Variants in BLVRA observed in about 807,000 individuals in gnomAD.
BLVRA encodes BVR A.
In BLVRA, 22 loss-of-function variants were observed where a neutral mutation model predicts 32.8. The observed-to-expected ratio is 0.67, with a 90% CI of 0.48 to 0.96. The LOEUF (loss-of-function observed/expected upper bound fraction) is 0.96, where lower values mean the gene tolerates loss of function less well. BLVRA is among the 40% of genes least tolerant of loss of function. BLVRA has a pLI of 0.00. For synonymous variants in BLVRA, 119 were observed against 141.3 expected (o/e 0.84, Z 1.12); for missense variants, 323 against 358.1 (o/e 0.90, Z 0.79).
intron 2 of BLVRA, among the ~76,000 whole-genome samples, chr7:43,782,525 G>C (rs531737918): frequency 6.6e-6 from 1 of 152,304 alleles, no homozygotes; most frequent in Admixed American, 6.5e-5. Flanking sequence ...GGGCGCGGTG[G>C]GAAAGCCAGG....
At chr7:43,786,326 A>G (rs1317350629) in intron 2 of BLVRA, among the ~76,000 whole-genome samples, 1 of 152,226 alleles carries the variant, frequency 6.6e-6, no homozygotes, top group African/African-American at 2.4e-5. Context: ...GGTCAATTAA[A>G]AAAAAGGACA....
chr7:43,769,953 T>C (rs1029040006), intron 1 of BLVRA, among the ~76,000 whole-genome samples: 3 of 152,220 alleles, frequency 2.0e-5, no homozygotes, highest in African/African-American at 7.2e-5. Context: ...CGATCACCCA[T>C]GCCCCCTTCC....
intron 5 of BLVRA, among the ~76,000 whole-genome samples, chr7:43,798,629 G>A (rs1374631941): frequency 6.6e-6 from 1 of 152,186 alleles, no homozygotes; most frequent in Non-Finnish European, 1.5e-5. Context: ...CTGGCACAAA[G>A]TGGTTAAGGC....
At chr7:43,796,599 A>G (rs1416971569) in intron 5 of BLVRA, among the ~76,000 whole-genome samples, 6 of 152,240 alleles carry the variant, frequency 3.9e-5, no homozygotes, top group Admixed American at 3.9e-4. Flanking sequence ...AAACTGTAAT[A>G]TTGTTAGAAG....
upstream of BLVRA, among the ~76,000 whole-genome samples, chr7:43,758,205 G>T (rs1327759561): frequency 6.6e-6 from 1 of 152,208 alleles, no homozygotes; most frequent in Non-Finnish European, 1.5e-5. Context: ...CACATTTACA[G>T]GAAGGACTCA....
chr7:43,792,365 G>A (rs1467414651), intron 4 of BLVRA, among the ~76,000 whole-genome samples: 1 of 152,158 alleles, frequency 6.6e-6, no homozygotes, highest in Non-Finnish European at 1.5e-5. Context: ...TAGCCGCTGT[G>A]GGTTTTGTAG....
chr7:43,791,396 C>T (rs760647328), intron 4 of BLVRA, 28 bp downstream of exon 4: 43 of 1,613,772 alleles, frequency 2.7e-5, no homozygotes, highest in Non-Finnish European at 3.5e-5. Flanking sequence ...GCAGTCCTTG[C>T]CTTACACAGC....
chr7:43,798,632 G>A (rs1190718802), intron 5 of BLVRA, among the ~76,000 whole-genome samples: 2 of 152,150 alleles, frequency 1.3e-5, no homozygotes, highest in African/African-American at 4.8e-5. Context: ...GCACAAAGTG[G>A]TTAAGGCTCA....
At chr7:43,759,942 T>A (rs1269963164) in intron 1 of BLVRA, 14 of 152,068 alleles carry the variant, frequency 9.2e-5, no homozygotes, top group Admixed American at 7.2e-4. Context: ...ATACTTCAAC[T>A]TTTTTAGGAA....
intron 1 of BLVRA, among the ~76,000 whole-genome samples, chr7:43,764,572 G>A (rs887749967): frequency 3.9e-5 from 6 of 152,146 alleles, no homozygotes; most frequent in Non-Finnish European, 2.9e-5. Context: ...GCTGGAAAGT[G>A]GGGTGGGGAA....
At chr7:43,793,765 AG>A (rs1250871303) in intron 5 of BLVRA, among the ~76,000 whole-genome samples, 1 of 151,624 alleles carries the variant, frequency 6.6e-6, no homozygotes, top group African/African-American at 2.4e-5. Flanking sequence ...CTAGGATTAC[AG>A]GCGCCCACCA....
At chr7:43,771,117 C>T in intron 1 of BLVRA, 21 bp from the exon 2 acceptor site, 1 of 1,613,654 alleles carries the variant, frequency 6.2e-7, no homozygotes, top group Non-Finnish European at 8.5e-7. Context: ...GGGACCTGAA[C>T]CTCTGCTTTT....
chr7:43,792,785 G>C lies in BLVRA; in HGVS notation c.325G>C (p.Glu109Gln). The C allele has an allele frequency of 6.2e-7, 1 of 1,614,170 alleles. No homozygotes were observed. The highest frequency in any genetic ancestry group is 8.5e-7 in the Non-Finnish European group (1 of 1,180,014). The change falls in exon 5 of 8, where the codon GAA (glutamate) becomes CAA (glutamine). Residue 109 changes from glutamate (E) to glutamine (Q), a missense_variant. Glu to Gln is a conservative substitution (Grantham distance 29). Coordinates refer to ENST00000265523, the MANE Select transcript of BLVRA (RefSeq NM_000712.4). ...PMTLSLAAAQ[E>Q]LWELAEQKGK... ...GACACTGTCATTGGCGGCCGCTCAG[G>C]AACTGTGGGAGCTGGCTGAGCAGAA...
chr7:43,767,518 C>T (rs79003558), intron 1 of BLVRA: 14 of 1,192,200 alleles, frequency 1.2e-5, no homozygotes, highest in Admixed American at 1.7e-5. Context: ...CCGTGGTCAC[C>T]GGCCATGTGG....
intron 5 of BLVRA, among the ~76,000 whole-genome samples, chr7:43,795,549 A>G (rs1431517547): frequency 1.3e-5 from 2 of 152,160 alleles, no homozygotes; most frequent in African/African-American, 4.8e-5. Flanking sequence ...GACAAGATGT[A>G]ATGAAAGCAG....
chr7:43,764,519 A>C (rs1206898111), intron 1 of BLVRA, among the ~76,000 whole-genome samples: 4 of 152,136 alleles, frequency 2.6e-5, no homozygotes, highest in Admixed American at 1.3e-4. Context: ...AAGCTTTTGA[A>C]GTGGTGAGGA....
intron 2 of BLVRA, among the ~76,000 whole-genome samples, chr7:43,785,332 CAAAAAAAAAA>C (rs57195897): frequency 2.6e-5 from 2 of 75,508 alleles, no homozygotes; most frequent in African/African-American, 9.1e-5. Context: ...TAGAAATTAC[CAAAAAAAAAA>C]AAAAAGAAAA....
chr7:43,805,153 A>G (rs1207342826), intron 7 of BLVRA, among the ~76,000 whole-genome samples: 1 of 152,188 alleles, frequency 6.6e-6, no homozygotes, highest in Non-Finnish European at 1.5e-5. Flanking sequence ...GTAGGAGCAC[A>G]GGGAAGGGGA....
intron 1 of BLVRA, among the ~76,000 whole-genome samples, chr7:43,764,873 G>A (rs2095746094): frequency 6.6e-6 from 1 of 152,006 alleles, no homozygotes; most frequent in South Asian, 2.1e-4. Flanking sequence ...CTATTTCAAG[G>A]TGCAGAAACT....
Sources: gnomAD v4.1 joint callset for allele counts (sites outside exome capture counted in the v4.1 genomes callset) on GRCh38, gnomAD v4.1.1 for gene constraint, MANE v1.5 for transcripts, NCBI Gene and HGNC (gene_info 2026-07-23, HGNC 2026-07-21) for gene names.